PLCB3: variants seen among roughly 807,000 people sequenced by gnomAD.
PLCB3 encodes 1-phosphatidylinositol 4,5-bisphosphate phosphodiesterase beta-3.
In PLCB3, 54 loss-of-function variants were observed where a neutral mutation model predicts 152.1. That is an observed-to-expected ratio of 0.36 (90% CI 0.29 to 0.45). The LOEUF (loss-of-function observed/expected upper bound fraction) is 0.45. Ranked by LOEUF, PLCB3 falls within the 20% of genes least tolerant of loss-of-function variation. PLCB3 has a pLI of 1.00. For missense variants in PLCB3, 1,248 were observed against 1,687.5 expected (o/e 0.74, Z 4.56); for synonymous variants, 717 against 698.7 (o/e 1.03, Z -0.41).
Position 64,265,117 on chromosome 11 carries a change from C to A in PLCB3, c.2806+13C>A. The A allele has an allele frequency of 6.4e-7, 1 of 1,552,686 alleles. No individual in the cohort carries two copies. The highest frequency in any genetic ancestry group is 8.7e-7 in the Non-Finnish European group (1 of 1,146,722). On this transcript the variant is annotated intron_variant, in intron 23 of 30. Coordinates refer to ENST00000279230, the MANE Select transcript of PLCB3 (RefSeq NM_000932.5). ...CTCAGCAGCCCAGGTAAGGAGTGGCCTGGGTCGGGGGTGGGCTGCAGGGAG... is the reference window on the plus strand; with the variant it reads ...CTCAGCAGCCCAGGTAAGGAGTGGCATGGGTCGGGGGTGGGCTGCAGGGAG...
chr11:64,264,533 T>C (rs2032017325), intron 22 of PLCB3, among the ~76,000 whole-genome samples: 1 of 152,122 alleles, frequency 6.6e-6, no homozygotes, highest in African/African-American at 2.4e-5. Flanking sequence ...TAGGGCTGCC[T>C]GGAGCTGTTA....
intron 20 of PLCB3, 46 bp downstream of exon 20, chr11:64,263,643 G>GA (rs1471611543): frequency 6.2e-7 from 1 of 1,603,872 alleles, no homozygotes; most frequent in South Asian, 1.1e-5. Context: ...CAGTGGGTAG[G>GA]GCCCCCACCT....
Position 64,266,261 on chromosome 11 carries a change from CAG to C in PLCB3, c.3267-51_3267-50del, listed in dbSNP as rs1452903776. 5 of 1,613,618 alleles carry C rather than the reference CAG, an allele frequency of 3.1e-6. No homozygotes were observed. Among genetic ancestry groups the C allele is most frequent in the African/African-American group, 2.7e-5 (2 of 74,848 alleles). ...GGGACTTCTAGTACCAGAAGGAGGG[CAG>C]AGTCTGTGCTTCTGCCGCTGACCCC... is the stretch of plus-strand genomic sequence containing the variant. On this transcript the variant is annotated intron_variant, in intron 27 of 30. Coordinates refer to ENST00000279230, the MANE Select transcript of PLCB3 (RefSeq NM_000932.5). The surrounding 1 kb of genome is among the most constrained non-coding windows in gnomAD (Gnocchi z 4.9).
intron 13 of PLCB3, among the ~76,000 whole-genome samples, chr11:64,259,520 T>C (rs1211435453): frequency 1.3e-5 from 2 of 152,080 alleles, no homozygotes; most frequent in Admixed American, 6.5e-5. Context: ...GTGATGGCTC[T>C]GAAGGCTGAC....
chr11:64,264,188 A>C, intron 22 of PLCB3, 76 bp downstream of exon 22: 1 of 984,328 alleles, frequency 1.0e-6, no homozygotes, highest in East Asian at 2.5e-5. Flanking sequence ...TGGCCACATG[A>C]GGAGGGGGCT....
chr11:64,263,441 T>G (rs1591112572), intron 19 of PLCB3, 57 bp from the exon 20 acceptor site: 3 of 1,097,134 alleles, frequency 2.7e-6, no homozygotes, highest in Non-Finnish European at 4.0e-6. Context: ...AGCTGTGGCC[T>G]GGTAGCCACA....
In PLCB3 at chr11:64,262,429, G is replaced by C. The variant is rs372858684; in HGVS notation, c.2061G>C (p.Ala687=). 3.3e-5 allele frequency: 53 copies of C among 1,613,618 alleles called. No homozygotes were observed. The highest frequency in any genetic ancestry group is 4.3e-5 in the Non-Finnish European group (51 of 1,179,824). Residue 687 remains alanine (A), a synonymous_variant, in exon 18 of 31, where the codon GCG becomes GCC. Transcript: ENST00000279230. ...CAGATGTGGCGATGCAGCTCAACGCGGGCGTTTTTGAGTACAACGGGCGCA... is the reference window on the plus strand; with the variant it reads ...CAGATGTGGCGATGCAGCTCAACGCCGGCGTTTTTGAGTACAACGGGCGCA... ...QTLDVAMQLN[A]GVFEYNGRSG... is the part of the protein sequence containing the mutation.
Position 64,262,332 on chromosome 11 carries a change from G to A in PLCB3, c.2039-75G>A, listed in dbSNP as rs2031893188. 1.9e-6 allele frequency: 3 copies of A among 1,552,876 alleles called. No homozygotes were observed. In the South Asian group the frequency reaches 3.5e-5, roughly 18 times the overall value. On this transcript the variant is annotated intron_variant, in intron 17 of 30. Coordinates refer to ENST00000279230, the MANE Select transcript of PLCB3 (RefSeq NM_000932.5). ...CTGGACCTTGGATGCCATCTGACCTGATGATCTCCCATTCCCCACATGGCA... is the reference window on the plus strand; with the variant it reads ...CTGGACCTTGGATGCCATCTGACCTAATGATCTCCCATTCCCCACATGGCA...
rs1591117892 is a variant in PLCB3, at chr11:64,266,788, A to C, written c.3414+236A>C. ...CACAACCCTGATACATTGCCCTGGG[A>C]GCCTTCGCCCACCTGACTTCTTTTT... On this transcript the variant is annotated intron_variant, in intron 29 of 30. Transcript: ENST00000279230. The surrounding 1 kb of genome is among the most constrained non-coding windows in gnomAD (Gnocchi z 4.9). Among the ~76,000 whole-genome samples, 2 of 152,120 alleles carry C rather than the reference A, an allele frequency of 1.3e-5. No homozygotes were observed. Among genetic ancestry groups the C allele is most frequent in the Admixed American group, 1.3e-4 (2 of 15,286 alleles).
In PLCB3 at chr11:64,262,504, C is replaced by T. The variant is rs756676406; in HGVS notation, c.2136C>T (p.Phe712=). 39 of 1,613,896 alleles carry T rather than the reference C, an allele frequency of 2.4e-5. 1 individual carries two copies. The highest frequency in any genetic ancestry group is 1.6e-4 in the Middle Eastern group (1 of 6,084). The change falls in exon 18 of 31, where the codon TTC becomes TTT. Residue 712 remains phenylalanine (F), a synonymous_variant. Transcript: ENST00000279230. ...TCATGCGGCGGCCGGACAAGTCCTT[C>T]GACCCCTTCACTGAGGTCATCGTGG... ...PEFMRRPDKS[F]DPFTEVIVDG...
At chr11:64,252,228 C>G (rs906490744) in intron 1 of PLCB3, among the ~76,000 whole-genome samples, 1 of 152,042 alleles carries the variant, frequency 6.6e-6, no homozygotes, top group Admixed American at 6.5e-5. Context: ...ATTTTTCCCC[C>G]TGTTCTGGTT....
chr11:64,252,473 C>T (rs2031265032), intron 1 of PLCB3, among the ~76,000 whole-genome samples: 1 of 152,200 alleles, frequency 6.6e-6, no homozygotes, highest in Admixed American at 6.5e-5. Context: ...CCATCCCCAT[C>T]CTGGGTGCAT....
intron 24 of PLCB3, 36 bp from the exon 25 acceptor site, chr11:64,265,274 C>T (rs1017437935): frequency 6.6e-7 from 1 of 1,511,752 alleles, no homozygotes; most frequent in Non-Finnish European, 9.1e-7. Context: ...TGCAGGTTCC[C>T]CCACCCCCCG....
At position 64,259,219 on chromosome 11, in the gene PLCB3, C is replaced by T. The variant is rs752507235; in HGVS notation, c.1500C>T (p.Ala500=). The change falls in exon 13 of 31, where the codon GCC becomes GCT. Residue 500 remains alanine, a synonymous_variant. Transcript: ENST00000279230. ...CTGCCCTGAGCGAGAGCTCCGCGGC[C>T]ACCGAGCCCTCCTCCCCGCAGCTGG... ...SNSALSESSA[A]TEPSSPQLGS... 1.0e-5 allele frequency: 16 copies of T among 1,554,478 alleles called. No homozygotes were observed. The East Asian group carries it at 3.3e-4, about 33-fold the overall frequency.
chr11:64,264,421 G>C lies in PLCB3; in HGVS notation c.2652+309G>C, dbSNP rs929188477. On this transcript the variant is annotated intron_variant, in intron 22 of 30. Coordinates refer to ENST00000279230, the MANE Select transcript of PLCB3 (RefSeq NM_000932.5). ...TGTCCTGGGAGTCATGAGGAGGGCAGTGGCTTCCGTGGGGAGGGGTCAGGC... is the reference window on the plus strand; with the variant it reads ...TGTCCTGGGAGTCATGAGGAGGGCACTGGCTTCCGTGGGGAGGGGTCAGGC... Among the ~76,000 whole-genome samples, 6 of 152,332 alleles carry C rather than the reference G, an allele frequency of 3.9e-5. No individual in the cohort carries two copies. In the South Asian group the frequency reaches 1.2e-3, roughly 32 times the overall value.
intron 1 of PLCB3, among the ~76,000 whole-genome samples, chr11:64,252,808 G>A (rs1479391852): frequency 6.6e-6 from 1 of 152,206 alleles, no homozygotes; most frequent in African/African-American, 2.4e-5. Flanking sequence ...AGAGGGCCCT[G>A]GGGGTGGGGT....
downstream of PLCB3, chr11:64,268,545 C>G (rs1400854184): frequency 6.6e-6 from 1 of 152,344 alleles, no homozygotes; most frequent in African/African-American, 2.4e-5. Context: ...GTGTGCTAGG[C>G]CACAGCTAAG....
At position 64,254,783 on chromosome 11, in the gene PLCB3, C is replaced by T; in HGVS notation, c.213C>T (p.Asp71=). Reference sequence around the variant, plus strand: ...CACTGGACATCAGTTCCATCAGGGACACACGGACAGGCCGGTACGCCCGCC... The same window carrying T: ...CACTGGACATCAGTTCCATCAGGGATACACGGACAGGCCGGTACGCCCGCC... ...VDTLDISSIR[D]TRTGRYARLP... Residue 71 remains aspartate, a synonymous_variant, in exon 3 of 31, where the codon GAC becomes GAT. Transcript: ENST00000279230. 6.2e-7 allele frequency: 1 copy of T among 1,613,604 alleles called. No homozygotes were observed. The highest frequency in any genetic ancestry group is 1.7e-5 in the Admixed American group (1 of 60,026).
chr11:64,259,991 G>A (rs1186699487), intron 13 of PLCB3, 38 bp from the exon 14 acceptor site: 13 of 1,562,634 alleles, frequency 8.3e-6, no homozygotes, highest in African/African-American at 1.4e-5. Flanking sequence ...GCAGCTGTGT[G>A]GTCCTGACCC....
Sources: allele counts gnomAD v4.1 joint callset (sites outside exome capture counted in the v4.1 genomes callset), GRCh38; gene constraint gnomAD v4.1.1; non-coding constraint Gnocchi (gnomAD v3.1); transcripts MANE v1.5; gene names NCBI Gene and HGNC (gene_info 2026-07-23, HGNC 2026-07-21).